Variants in SLC26A8 observed in about 807,000 individuals in gnomAD.
SLC26A8 encodes the protein testis anion transporter 1.
SLC26A8 carries 70 observed loss-of-function variants against 105.0 expected under a neutral mutation model. The ratio of observed to expected loss-of-function variants is 0.67; its 90% confidence interval spans 0.55 to 0.81. SLC26A8 has a LOEUF of 0.81. Ranked by LOEUF, SLC26A8 falls within the 40% of genes least tolerant of loss-of-function variation. SLC26A8 has a pLI of 0.00. For synonymous variants in SLC26A8, 415 were observed against 438.3 expected, an observed-to-expected ratio of 0.95 and a Z score of 0.66; for missense variants, 998 against 1,181.8, an observed-to-expected ratio of 0.84 and a Z score of 2.28.
intron 16 of SLC26A8, 106 bp from the exon 17 acceptor site, chr6:35,955,626 A>G (rs1287439669): frequency 2.8e-6 from 4 of 1,415,274 alleles, no homozygotes; most frequent in African/African-American, 1.4e-5. Flanking sequence ...TCCCTCTCTC[A>G]TGAAACTTCT....
In SLC26A8 at chr6:35,955,270, C is replaced by G; in HGVS notation, c.2114G>C (p.Gly705Ala). 6.2e-7 allele frequency: 1 copy of G among 1,614,096 alleles called. No individual in the cohort carries two copies. Among genetic ancestry groups the G allele is most frequent in the Non-Finnish European group, 8.5e-7 (1 of 1,179,954 alleles). Reference protein sequence around the residue: ...PGLPDVAESQGRRSLIPYSDA... With the variant: ...PGLPDVAESQARRSLIPYSDA... ...TGAGTAAGGGATGAGTGATCTCCTCCCCTGGCTTTCCGCCACATCAGGCAG... is the reference window on the plus strand; with the variant it reads ...TGAGTAAGGGATGAGTGATCTCCTCGCCTGGCTTTCCGCCACATCAGGCAG... Residue 705 changes from glycine (G) to alanine (A), a missense_variant, in exon 17 of 20, where the codon GGG (glycine) becomes GCG (alanine). By Grantham distance (60) the Gly-to-Ala change is moderately conservative. Transcript: ENST00000490799.
intron 5 of SLC26A8, among the ~76,000 whole-genome samples, chr6:35,993,906 TG>T (rs1761264522): frequency 6.6e-6 from 1 of 151,938 alleles, no homozygotes; most frequent in Non-Finnish European, 1.5e-5. Context: ...TTAAGAAAAC[TG>T]GCACAGCCCA....
Position 35,945,447 on chromosome 6 carries a change from T to C in SLC26A8, c.2473-1107A>G, listed in dbSNP as rs183827991. 3.0e-3 allele frequency among the ~76,000 whole-genome samples: 452 copies of C among 152,362 alleles called. 1 individual carries two copies. The highest frequency in any genetic ancestry group is 0.01 in the African/African-American group (424 of 41,592). ...TTGACAGGGCCTATAAGGCTGTGTG[T>C]GACCTGGCCTCTTGCCATTCTTCTT... On this transcript the variant is annotated intron_variant, in intron 19 of 19. Coordinates refer to ENST00000490799, the MANE Select transcript of SLC26A8 (RefSeq NM_052961.4).
chr6:35,990,077 A>C (rs1046252719), intron 7 of SLC26A8, among the ~76,000 whole-genome samples: 5 of 151,296 alleles, frequency 3.3e-5, no homozygotes, highest in Non-Finnish European at 5.9e-5. Flanking sequence ...AGCTGGGATT[A>C]CAGGCACATG....
chr6:35,951,614 C>CCATCTGGG, intron 17 of SLC26A8, 115 bp from the exon 18 acceptor site: 1 of 1,076,124 alleles, frequency 9.3e-7, no homozygotes, highest in Non-Finnish European at 1.4e-6. Context: ...GAGTCTCACT[C>CCATCTGGG]TGTCACCCAG....
chr6:35,970,535 GTGACA>G (rs1772751494), intron 10 of SLC26A8, among the ~76,000 whole-genome samples: 1 of 152,186 alleles, frequency 6.6e-6, no homozygotes, highest in Non-Finnish European at 1.5e-5. Flanking sequence ...CTCCAGCCAG[GTGACA>G]TGTCAGCCTG....
intron 16 of SLC26A8, among the ~76,000 whole-genome samples, chr6:35,956,428 CAA>C (rs56146863): frequency 0.21 from 22,448 of 106,068 alleles, 1,881 homozygotes; most frequent in East Asian, 0.26. Flanking sequence ...ACCTTATGTC[CAA>C]AAAAAAAAAA....
In SLC26A8 at chr6:35,955,190, G is replaced by C. The variant is rs145161622; in HGVS notation, c.2194C>G (p.His732Asp). The change falls in exon 17 of 20, where the codon CAC becomes GAC. Residue 732 changes from histidine (H) to aspartate (D), a missense_variant. His to Asp is a moderately conservative substitution (Grantham distance 81). Transcript: ENST00000490799. Reference protein sequence around the residue: ...HTIILDFSMVHYVDSRGLVVL... With the variant: ...HTIILDFSMVDYVDSRGLVVL... ...ACTAACCCCCGTGAATCCACGTAGTGTACCATGGAGAAATCCAGGATGATG... is the reference window on the plus strand; with the variant it reads ...ACTAACCCCCGTGAATCCACGTAGTCTACCATGGAGAAATCCAGGATGATG... 3.7e-6 allele frequency: 6 copies of C among 1,614,048 alleles called. No homozygotes were observed. Among genetic ancestry groups the C allele is most frequent in the African/African-American group, 1.3e-5 (1 of 74,916 alleles).
At chr6:35,964,764 A>G (rs6457866) in intron 11 of SLC26A8, among the ~76,000 whole-genome samples, 151,481 of 152,088 alleles carry the variant, frequency 1, 75,439 homozygotes, top group Middle Eastern at 1. Context: ...TCAGGAGCTC[A>G]AGACCAGCCT....
chr6:35,979,318 A>C (rs1303676903), intron 8 of SLC26A8, among the ~76,000 whole-genome samples: 1 of 151,996 alleles, frequency 6.6e-6, no homozygotes, highest in South Asian at 2.1e-4. Context: ...GCTACTAAAA[A>C]TACAAAAATT....
Position 36,000,017 on chromosome 6 carries a change from A to G in SLC26A8, c.420T>C (p.Phe140=). 1 of 1,613,604 alleles carries G rather than the reference A, an allele frequency of 6.2e-7. No homozygotes were observed. The highest frequency in any genetic ancestry group is 8.5e-7 in the Non-Finnish European group (1 of 1,179,554). Reference sequence around the variant, plus strand: ...CAATGGACATTTGATGACACGATCCAAAAATTACATAGATTACCGAAGAAC... The same window carrying G: ...CAATGGACATTTGATGACACGATCCGAAAATTACATAGATTACCGAAGAAC... The part of the protein sequence containing the change: ...AFCSSVIYVI[F]GSCHQMSIGS... The change falls in exon 4 of 20, where the codon TTT becomes TTC. Residue 140 remains phenylalanine, a synonymous_variant. Coordinates refer to ENST00000490799, the MANE Select transcript of SLC26A8 (RefSeq NM_052961.4).
At chr6:36,002,481 G>C (rs1383579592) in intron 3 of SLC26A8, among the ~76,000 whole-genome samples, 1 of 152,102 alleles carries the variant, frequency 6.6e-6, no homozygotes, top group African/African-American at 2.4e-5. Flanking sequence ...AGTAATGTAT[G>C]ACAGTTCCCA....
intron 16 of SLC26A8, 112 bp downstream of exon 16, chr6:35,959,348 C>G (rs548499327): frequency 5.1e-6 from 6 of 1,170,888 alleles, no homozygotes; most frequent in Non-Finnish European, 7.0e-6. Context: ...TCTTCATGGT[C>G]CATCTAAAAG....
chr6:35,991,709 T>G lies in SLC26A8; in HGVS notation c.892A>C (p.Arg298=). 1.2e-6 allele frequency: 2 copies of G among 1,606,384 alleles called. No individual in the cohort carries two copies. The highest frequency in any genetic ancestry group is 3.3e-4 in the Middle Eastern group (2 of 6,030). Residue 298 remains arginine, a synonymous_variant, in exon 7 of 20, where the codon AGA becomes CGA. Transcript: ENST00000490799. ...ATGGGATACTGATTGAAAGAAATTC[T>G]GATACATTTGTTGATTCGCAGAGCA... is the stretch of plus-strand genomic sequence containing the variant. ...VVALRINKCI[R]ISFNQYPIEF...
At chr6:35,990,322 G>T in intron 7 of SLC26A8, 2 of 297,410 alleles carry the variant, frequency 6.7e-6, no homozygotes, top group Non-Finnish European at 1.3e-5. Flanking sequence ...CTGAGGTTTG[G>T]GTATGGGTTC....
Position 35,959,520 on chromosome 6 carries a change from T to C in SLC26A8, c.1803A>G (p.Leu601=). The C allele has an allele frequency of 6.2e-7, 1 of 1,614,132 alleles. No individual in the cohort carries two copies. Among genetic ancestry groups the C allele is most frequent in the Non-Finnish European group, 8.5e-7 (1 of 1,180,004 alleles). ...AACACCTGCAAATCTTTCCTCCTTG[T>C]AGATTGGTGTCACTTGAATTAAACA... The part of the protein sequence containing the change: ...FSLFNSSDTN[L]QGGKICRCFC... The change falls in exon 16 of 20, where the codon CTA becomes CTG. Residue 601 remains leucine, a synonymous_variant. Transcript: ENST00000490799.
intron 3 of SLC26A8, among the ~76,000 whole-genome samples, chr6:36,008,443 A>C (rs1281952267): frequency 6.6e-6 from 1 of 152,240 alleles, no homozygotes; most frequent in Non-Finnish European, 1.5e-5. Flanking sequence ...AAAGATGTTC[A>C]ACCTCATTAA....
intron 16 of SLC26A8, among the ~76,000 whole-genome samples, chr6:35,956,216 T>C (rs1413533942): frequency 6.6e-6 from 1 of 151,410 alleles, no homozygotes; most frequent in Admixed American, 6.6e-5. Flanking sequence ...TGAGCCAAGA[T>C]TGCACCAGTG....
At chr6:35,960,761 G>C (rs1772276470) in intron 14 of SLC26A8, 82 bp downstream of exon 14, 2 of 1,340,524 alleles carry the variant, frequency 1.5e-6, no homozygotes, top group South Asian at 1.2e-5. Flanking sequence ...ACAATGGCAA[G>C]GGATTTTGTA....
Sources: gnomAD v4.1 joint callset for allele counts (sites outside exome capture counted in the v4.1 genomes callset) on GRCh38, gnomAD v4.1.1 for gene constraint, MANE v1.5 for transcripts, NCBI Gene and HGNC (gene_info 2026-07-23, HGNC 2026-07-21) for gene names.